MEGF10: variants seen among roughly 807,000 people sequenced by gnomAD.
The protein encoded by MEGF10 is multiple EGF like domains 10, also known as multiple epidermal growth factor-like domains protein 10.
MEGF10 carries 86 observed loss-of-function variants against 147.5 expected under a neutral mutation model. The ratio of observed to expected loss-of-function variants is 0.58; its 90% CI spans 0.49 to 0.70. The LOEUF is 0.70. Ranked by LOEUF, MEGF10 falls within the 30% of genes least tolerant of loss-of-function variation. The pLI is 0.00. For synonymous variants in MEGF10, 478 were observed against 525.5 expected (o/e 0.91, Z 1.24); for missense variants, 1,329 against 1,487.3 (o/e 0.89, Z 1.75).
At chr5:127,283,610 C>A in the MEGF10 span, among the ~76,000 whole-genome samples, 2 of 152,192 alleles carry the variant, frequency 1.3e-5, no homozygotes, top group Non-Finnish European at 2.9e-5. Flanking sequence ...TAGAACTTTG[C>A]TTCTCAAAGT....
rs368340848 is a variant in MEGF10, at chr5:127,433,378, G to A, written c.1709G>A (p.Ser570Asn). The A allele has an allele frequency of 8.7e-6, 14 of 1,614,092 alleles. No individual in the cohort carries two copies. The highest frequency in any genetic ancestry group is 2.7e-5 in the African/African-American group (2 of 74,930). ...LPGWSGVHCD[S>N]VCAEGRWGPN... ...ATTATTTCAGGTGTCCACTGTGACA[G>A]CGTGTGTGCTGAGGGACGCTGGGGC... Residue 570 changes from serine to asparagine, a missense_variant, in exon 14 of 25, where the codon AGC (serine) becomes AAC (asparagine). Around this residue, in one of 3 missense-constraint regions of MEGF10, gnomAD observed 980 missense variants for 1,085.9 expected, o/e 0.90. Coordinates refer to ENST00000503335, the MANE Select transcript of MEGF10 (RefSeq NM_001256545.2).
chr5:127,439,294 T>G (rs1351270208), intron 17 of MEGF10, among the ~76,000 whole-genome samples: 9 of 152,152 alleles, frequency 5.9e-5, no homozygotes. Context: ...CCTCTTACCT[T>G]CGGTTGAATA....
At chr5:127,366,430 CT>C (rs1307713884) in intron 4 of MEGF10, among the ~76,000 whole-genome samples, 4 of 152,086 alleles carry the variant, frequency 2.6e-5, no homozygotes, top group East Asian at 1.9e-4. Context: ...GTGTTCTTTC[CT>C]TTTAGACTCC....
At chr5:127,231,873 G>A in the MEGF10 span, among the ~76,000 whole-genome samples, 6 of 152,202 alleles carry the variant, frequency 3.9e-5, no homozygotes, top group East Asian at 7.7e-4. Flanking sequence ...AAGAGAGAGA[G>A]CCTAAACAGA....
intron 4 of MEGF10, among the ~76,000 whole-genome samples, chr5:127,355,851 T>TG (rs1418966841): frequency 2.9e-5 from 4 of 140,068 alleles, no homozygotes; most frequent in Non-Finnish European, 4.5e-5. Context: ...TGCTGCCTAT[T>TG]TTTTTTTTTC....
the MEGF10 span, among the ~76,000 whole-genome samples, chr5:127,278,428 A>G: frequency 3.1e-4 from 47 of 152,250 alleles, no homozygotes; most frequent in Non-Finnish European, 5.9e-5. Context: ...TACTAAGTTT[A>G]GAAATTTAAT....
At chr5:127,283,334 T>G in the MEGF10 span, among the ~76,000 whole-genome samples, 1 of 152,230 alleles carries the variant, frequency 6.6e-6, no homozygotes, top group Non-Finnish European at 1.5e-5. Flanking sequence ...CTATATCAAA[T>G]GTTGAAATTT....
At chr5:127,398,833 A>G in intron 7 of MEGF10, 37 bp downstream of exon 7, 1 of 1,612,418 alleles carries the variant, frequency 6.2e-7, no homozygotes, top group Non-Finnish European at 8.5e-7. Flanking sequence ...CCCTGCCCCA[A>G]AGTCACCCAT....
chr5:127,398,024 A>G (rs1763986855), intron 6 of MEGF10, among the ~76,000 whole-genome samples: 1 of 138,596 alleles, frequency 7.2e-6, no homozygotes, highest in South Asian at 2.5e-4. Context: ...ATGAGAACAC[A>G]TGGACACAGG....
At chr5:127,316,305 A>T (rs550309699) in intron 1 of MEGF10, among the ~76,000 whole-genome samples, 6 of 152,258 alleles carry the variant, frequency 3.9e-5, no homozygotes, top group African/African-American at 1.4e-4. Context: ...ATCATCACCA[A>T]TGCAGCCATG....
the MEGF10 span, among the ~76,000 whole-genome samples, chr5:127,236,042 G>A: frequency 2.6e-5 from 4 of 151,882 alleles, no homozygotes; most frequent in South Asian, 4.2e-4. Flanking sequence ...GTGCGATCTC[G>A]GCTCACTCCA....
chr5:127,233,035 T>G, the MEGF10 span, among the ~76,000 whole-genome samples: 1 of 152,234 alleles, frequency 6.6e-6, no homozygotes, highest in Non-Finnish European at 1.5e-5. Flanking sequence ...AGAGACTTTG[T>G]GGTTCCTTAA....
intron 18 of MEGF10, among the ~76,000 whole-genome samples, chr5:127,441,221 C>T (rs574720201): frequency 1.6e-4 from 25 of 152,208 alleles, no homozygotes; most frequent in Non-Finnish European, 3.2e-4. Context: ...AGGCAGAACC[C>T]GGGTCTCACA....
Position 127,339,225 on chromosome 5 carries a change from A to G in MEGF10, c.218+4A>G, listed in dbSNP as rs1172933949. On this transcript the variant is annotated splice_donor_region_variant and intron_variant, in intron 3 of 24. Coordinates refer to ENST00000503335, the MANE Select transcript of MEGF10 (RefSeq NM_001256545.2). ...GGTTTAAATGCACGCGGCACAGGTA[A>G]TAGAAGCTCAGGCATGTTTGTGAGT... is the stretch of plus-strand genomic sequence containing the variant. 3.8e-6 allele frequency: 6 copies of G among 1,599,632 alleles called. No homozygotes were observed. The highest frequency in any genetic ancestry group is 5.1e-6 in the Non-Finnish European group (6 of 1,168,106).
intron 5 of MEGF10, among the ~76,000 whole-genome samples, chr5:127,394,600 T>A (rs1369672133): frequency 6.6e-6 from 1 of 152,106 alleles, no homozygotes; most frequent in Admixed American, 6.5e-5. Flanking sequence ...AAGGGACATA[T>A]CATGTAATTT....
chr5:127,250,259 C>T, the MEGF10 span, among the ~76,000 whole-genome samples: 4 of 151,866 alleles, frequency 2.6e-5, no homozygotes, highest in South Asian at 2.1e-4. Flanking sequence ...TAATCTTAAA[C>T]GTGTATTTAC....
the MEGF10 span, among the ~76,000 whole-genome samples, chr5:127,254,668 G>A: frequency 0.047 from 7,136 of 151,572 alleles, 284 homozygotes; most frequent in African/African-American, 0.1. Flanking sequence ...AAAATTAGCC[G>A]GGTGTGGTGG....
the MEGF10 span, among the ~76,000 whole-genome samples, chr5:127,239,376 G>GACACACACACACAC: frequency 1.6e-5 from 2 of 123,472 alleles, no homozygotes; most frequent in African/African-American, 6.1e-5. Context: ...GATGATGGAA[G>GACACACACACACAC]ACACACACAC....
At chr5:127,449,267 A>G in intron 22 of MEGF10, 45 bp downstream of exon 22, 2 of 1,605,782 alleles carry the variant, frequency 1.2e-6, no homozygotes, top group Non-Finnish European at 1.7e-6. Flanking sequence ...TTGACCTGTC[A>G]GTCCCTGAAA....
Sources: gnomAD v4.1 joint callset for allele counts (sites outside exome capture counted in the v4.1 genomes callset) on GRCh38, gnomAD v4.1.1 for gene constraint, gnomAD v4.1.1 regional missense constraint, MANE v1.5 for transcripts, NCBI Gene and HGNC (gene_info 2026-07-23, HGNC 2026-07-21) for gene names.